Variants in ZFR observed in about 807,000 individuals in gnomAD.
ZFR encodes the protein zinc finger RNA-binding protein.
In ZFR, 19 loss-of-function variants were observed where a neutral mutation model predicts 130.7. The observed-to-expected ratio is 0.15, with a 90% CI of 0.10 to 0.21. ZFR has a LOEUF of 0.21. Ranked by LOEUF, ZFR falls within the 10% of genes least tolerant of loss-of-function variation. ZFR has a pLI of 1.00. For synonymous variants in ZFR, 466 were observed against 456.9 expected (o/e 1.02, Z -0.25); for missense variants, 872 against 1,321.5 (o/e 0.66, Z 5.27).
chr5:32,402,618 A>G (rs1475239179), intron 8 of ZFR, among the ~76,000 whole-genome samples: 3 of 151,466 alleles, frequency 2.0e-5, no homozygotes, highest in Non-Finnish European at 4.4e-5. Flanking sequence ...AAAAAGAAAA[A>G]AAAAAAAAAA....
At chr5:32,438,812 A>C (rs924780759) in intron 2 of ZFR, among the ~76,000 whole-genome samples, 1 of 152,212 alleles carries the variant, frequency 6.6e-6, no homozygotes, top group Admixed American at 6.5e-5. Flanking sequence ...TCTCTACAGG[A>C]AACAGCATTG....
At chr5:32,381,647 CTTATT>C (rs1752939659) in intron 15 of ZFR, among the ~76,000 whole-genome samples, 1 of 152,106 alleles carries the variant, frequency 6.6e-6, no homozygotes, top group African/African-American at 2.4e-5. Flanking sequence ...ATAACTTGTT[CTTATT>C]TTGAGTAGAT....
intron 3 of ZFR, 133 bp from the exon 4 acceptor site, chr5:32,417,925 A>G: frequency 1.3e-6 from 1 of 791,672 alleles, no homozygotes; most frequent in Non-Finnish European, 2.0e-6. Context: ...AACATAAAAG[A>G]ATCAAATTAA....
intron 19 of ZFR, 116 bp downstream of exon 19, chr5:32,363,832 A>G: frequency 4.8e-6 from 4 of 827,638 alleles, no homozygotes; most frequent in Non-Finnish European, 7.2e-6. Flanking sequence ...TGCTTACTAC[A>G]GAAGCAGAAG....
At chr5:32,415,536 TAGTC>T (rs1561908680) in intron 4 of ZFR, among the ~76,000 whole-genome samples, 2 of 113,750 alleles carry the variant, frequency 1.8e-5, no homozygotes, top group Non-Finnish European at 3.9e-5. Flanking sequence ...GCGCGCGCAC[TAGTC>T]AGTCTACTTC....
In ZFR at chr5:32,444,723, C is replaced by A; in HGVS notation, c.-65G>T. ...GCTGCCTCCCTCCTCTGCCCCGCTCCTCCTCAGCGGAGAACAGACCGCCGC... is the reference window on the plus strand; with the variant it reads ...GCTGCCTCCCTCCTCTGCCCCGCTCATCCTCAGCGGAGAACAGACCGCCGC... On this transcript the variant is annotated 5_prime_UTR_variant, in exon 1 of 20. In the 5' UTR this introduces an upstream ATG that the reference lacks. Coordinates refer to ENST00000265069, the MANE Select transcript of ZFR (RefSeq NM_016107.5). The A allele has an allele frequency of 6.7e-7, 1 of 1,494,640 alleles. No homozygotes were observed. Among genetic ancestry groups the A allele is most frequent in the South Asian group, 1.3e-5 (1 of 77,888 alleles). The allele number at this position is 1,494,640 out of a possible 1,614,324, so 92.6% of individuals were successfully genotyped here.
chr5:32,369,858 T>C (rs936601727), intron 17 of ZFR, among the ~76,000 whole-genome samples: 1 of 152,050 alleles, frequency 6.6e-6, no homozygotes, highest in Admixed American at 6.6e-5. Flanking sequence ...TCAGCAGCAT[T>C]ATTATACTAT....
chr5:32,419,776 A>G (rs1753911448), intron 3 of ZFR, 45 bp downstream of exon 3: 5 of 1,537,124 alleles, frequency 3.3e-6, no homozygotes, highest in Non-Finnish European at 4.4e-6. Flanking sequence ...ACTGAAGACA[A>G]AGAAACCCGC....
At chr5:32,380,217 T>C in intron 15 of ZFR, 45 bp from the exon 16 acceptor site, 2 of 1,479,596 alleles carry the variant, frequency 1.4e-6, no homozygotes, top group Non-Finnish European at 1.9e-6. Flanking sequence ...AATGGGTGTT[T>C]GACCAGGTGA....
chr5:32,430,744 T>C (rs1294659412), intron 2 of ZFR, among the ~76,000 whole-genome samples: 3 of 151,806 alleles, frequency 2.0e-5, no homozygotes, highest in Non-Finnish European at 4.4e-5. Context: ...CTCAAGGAGG[T>C]AGAATCAAAG....
chr5:32,364,385 G>T, intron 17 of ZFR, 110 bp from the exon 18 acceptor site: 1 of 696,276 alleles, frequency 1.4e-6, no homozygotes, highest in Non-Finnish European at 2.4e-6. Flanking sequence ...AAGCTACATA[G>T]AACAAGTCAC....
At chr5:32,415,594 T>C (rs1581706569) in intron 4 of ZFR, among the ~76,000 whole-genome samples, 1 of 152,042 alleles carries the variant, frequency 6.6e-6, no homozygotes, top group South Asian at 2.1e-4. Context: ...AGTTACAATG[T>C]ACATATTTCA....
At chr5:32,436,140 CTTTTTTTT>C (rs370998112) in intron 2 of ZFR, among the ~76,000 whole-genome samples, 7,507 of 91,744 alleles carry the variant, frequency 0.082, 214 homozygotes, top group African/African-American at 0.12. Context: ...CAGTTGTATT[CTTTTTTTT>C]TTTTTTTTTT....
intron 2 of ZFR, among the ~76,000 whole-genome samples, chr5:32,426,699 C>T (rs137968665): frequency 0.017 from 2,596 of 152,224 alleles, 38 homozygotes; most frequent in Non-Finnish European, 0.026. Context: ...CCCAGGAGTT[C>T]GAGACCAGCC....
chr5:32,403,855 T>G, intron 7 of ZFR, 51 bp downstream of exon 7: 4 of 1,481,788 alleles, frequency 2.7e-6, no homozygotes, highest in Non-Finnish European at 1.8e-6. Context: ...TTTGAAAAAG[T>G]AAAAGATAAC....
At chr5:32,402,640 T>C (rs1581699066) in intron 8 of ZFR, among the ~76,000 whole-genome samples, 1 of 149,122 alleles carries the variant, frequency 6.7e-6, no homozygotes, top group East Asian at 2.0e-4. Context: ...TGGCTGTGTG[T>C]GATGGAGCAC....
chr5:32,439,804 T>TAA (rs11446399), intron 2 of ZFR, among the ~76,000 whole-genome samples: 1,229 of 72,030 alleles, frequency 0.017, 30 homozygotes, highest in South Asian at 0.053. Context: ...ACCATGTCTT[T>TAA]AAAAAAAAAA....
At chr5:32,417,584 T>G (rs1753854690) in intron 4 of ZFR, 64 bp downstream of exon 4, 2 of 1,591,606 alleles carry the variant, frequency 1.3e-6, no homozygotes, top group African/African-American at 2.7e-5. Context: ...TTATCTTCAT[T>G]AAACGCAGTA....
At chr5:32,400,321 T>C in intron 8 of ZFR, 118 bp from the exon 9 acceptor site, 1 of 678,650 alleles carries the variant, frequency 1.5e-6, no homozygotes, top group Non-Finnish European at 2.2e-6. Context: ...CTAACTGACA[T>C]ACAACAGATG....
Sources: allele counts gnomAD v4.1 joint callset (sites outside exome capture counted in the v4.1 genomes callset), GRCh38; gene constraint gnomAD v4.1.1; transcripts MANE v1.5; gene names NCBI Gene and HGNC (gene_info 2026-07-23, HGNC 2026-07-21).